Variants in MARCHF1 observed in about 807,000 individuals in gnomAD.
The protein encoded by MARCHF1 is membrane associated ring-CH-type finger 1, also known as E3 ubiquitin-protein ligase MARCHF1.
In MARCHF1, 40 loss-of-function variants were observed where a neutral mutation model predicts 54.2. The ratio of observed to expected loss-of-function variants is 0.74; its 90% CI spans 0.57 to 0.96. The LOEUF (loss-of-function observed/expected upper bound fraction) is 0.96, where lower values mean the gene tolerates loss of function less well. Among genes scored for constraint, MARCHF1 ranks in the 40% least tolerant of loss-of-function variants. The probability of loss-of-function intolerance (pLI) is 0.00; values close to 1 mark genes in which losing one functional copy is unlikely to be tolerated. For missense variants in MARCHF1, 586 were observed against 656.5 expected, an observed-to-expected ratio of 0.89 and a Z score of 1.17; for synonymous variants, 236 against 236.3, an observed-to-expected ratio of 1.00 and a Z score of 0.01.
At chr4:164,108,073 T>C (rs753332147) in intron 2 of MARCHF1, among the ~76,000 whole-genome samples, 14 of 152,148 alleles carry the variant, frequency 9.2e-5, no homozygotes, top group African/African-American at 3.1e-4. Flanking sequence ...TATATCAATT[T>C]ATCAGAAAGT....
At chr4:164,057,372 C>A (rs1024482258) in intron 2 of MARCHF1, among the ~76,000 whole-genome samples, 1 of 152,158 alleles carries the variant, frequency 6.6e-6, no homozygotes, top group Admixed American at 6.5e-5. Flanking sequence ...ATTTCTTCCT[C>A]TTATTCTTGG....
intron 3 of MARCHF1, among the ~76,000 whole-genome samples, chr4:163,978,921 A>G (rs1752702830): frequency 6.6e-6 from 1 of 151,548 alleles, no homozygotes; most frequent in African/African-American, 2.4e-5. Flanking sequence ...TAGACAGGGT[A>G]TCATTATGTT....
chr4:163,838,185 C>G (rs1295133892), intron 4 of MARCHF1, among the ~76,000 whole-genome samples: 1 of 152,078 alleles, frequency 6.6e-6, no homozygotes, highest in Non-Finnish European at 1.5e-5. Context: ...CCAGGAACTC[C>G]TGAAAATACC....
chr4:164,065,392 T>C (rs910328451), intron 2 of MARCHF1, among the ~76,000 whole-genome samples: 1 of 152,204 alleles, frequency 6.6e-6, no homozygotes, highest in Non-Finnish European at 1.5e-5. Flanking sequence ...AAAGATTTCA[T>C]GGCAAAGGCA....
intron 2 of MARCHF1, among the ~76,000 whole-genome samples, chr4:164,068,776 G>A (rs565871008): frequency 1.4e-4 from 22 of 152,332 alleles, no homozygotes; most frequent in Non-Finnish European, 2.5e-4. Context: ...TTCCACCTGC[G>A]GCCCTGGTGA....
chr4:163,649,029 C>G (rs1742867753), intron 5 of MARCHF1, among the ~76,000 whole-genome samples: 1 of 151,842 alleles, frequency 6.6e-6, no homozygotes, highest in South Asian at 2.1e-4. Context: ...AAGCAAACTA[C>G]TATTTAATTT....
chr4:164,331,846 A>G (rs997911481), intron 1 of MARCHF1, among the ~76,000 whole-genome samples: 7 of 152,180 alleles, frequency 4.6e-5, no homozygotes, highest in African/African-American at 1.7e-4. Context: ...AATTTCAAAT[A>G]TATACAATAA....
chr4:164,269,782 G>A (rs2111303964), intron 1 of MARCHF1, among the ~76,000 whole-genome samples: 1 of 152,116 alleles, frequency 6.6e-6, no homozygotes, highest in South Asian at 2.1e-4. Flanking sequence ...ACTGGGGAGG[G>A]GGGTTTATCG....
chr4:163,695,471 A>C (rs1486969351), intron 5 of MARCHF1, among the ~76,000 whole-genome samples: 2 of 152,160 alleles, frequency 1.3e-5, no homozygotes, highest in Non-Finnish European at 2.9e-5. Flanking sequence ...ACATTTTATA[A>C]ACTTTACCTT....
chr4:164,094,739 T>C (rs954151144), intron 2 of MARCHF1, among the ~76,000 whole-genome samples: 6 of 152,162 alleles, frequency 3.9e-5, no homozygotes, highest in Admixed American at 3.9e-4. Flanking sequence ...TAGGTGTTGT[T>C]TGCCACTGGA....
At chr4:163,966,692 A>G (rs1413716715) in intron 3 of MARCHF1, among the ~76,000 whole-genome samples, 1 of 152,104 alleles carries the variant, frequency 6.6e-6, no homozygotes, top group Admixed American at 6.6e-5. Context: ...TCATATTCTT[A>G]TTAGCATCAC....
At chr4:164,229,479 A>C (rs1465088969) in intron 1 of MARCHF1, among the ~76,000 whole-genome samples, 1 of 152,162 alleles carries the variant, frequency 6.6e-6, no homozygotes, top group Non-Finnish European at 1.5e-5. Context: ...TTCTTGAAAA[A>C]GGAACTCCCA....
chr4:164,201,047 G>C (rs556855722), intron 1 of MARCHF1, among the ~76,000 whole-genome samples: 2 of 152,306 alleles, frequency 1.3e-5, no homozygotes, highest in Non-Finnish European at 1.5e-5. Context: ...GAGTGAGCTA[G>C]GGAAAAGCAT....
chr4:164,197,257 G>A, intron 1 of MARCHF1: 1 of 1,611,024 alleles, frequency 6.2e-7, no homozygotes, highest in Non-Finnish European at 8.5e-7. Flanking sequence ...ATCTGAGTAA[G>A]GGGCCTCCTT....
At chr4:163,871,792 A>C (rs1750175304) in intron 3 of MARCHF1, among the ~76,000 whole-genome samples, 1 of 152,174 alleles carries the variant, frequency 6.6e-6, no homozygotes, top group Non-Finnish European at 1.5e-5. Flanking sequence ...TGAAGATTAA[A>C]ATACACCTTC....
At chr4:163,886,555 G>A (rs1028513349) in intron 3 of MARCHF1, among the ~76,000 whole-genome samples, 1 of 152,052 alleles carries the variant, frequency 6.6e-6, no homozygotes, top group African/African-American at 2.4e-5. Context: ...AAGTGCAATA[G>A]AATAAGCAGA....
At chr4:164,200,210 A>G (rs1201127333) in intron 1 of MARCHF1, among the ~76,000 whole-genome samples, 1 of 152,206 alleles carries the variant, frequency 6.6e-6, no homozygotes, top group East Asian at 1.9e-4. Flanking sequence ...AGACTTGTTC[A>G]TCTTACAATT....
At chr4:163,638,688 A>G (rs1012384955) in intron 5 of MARCHF1, among the ~76,000 whole-genome samples, 5 of 152,194 alleles carry the variant, frequency 3.3e-5, no homozygotes, top group African/African-American at 1.2e-4. Context: ...GATCAAAAGC[A>G]GGATCTCTAA....
At chr4:163,869,524 C>T (rs1171740559) in intron 3 of MARCHF1, among the ~76,000 whole-genome samples, 1 of 151,960 alleles carries the variant, frequency 6.6e-6, no homozygotes, top group Admixed American at 6.6e-5. Flanking sequence ...TTTTTTGACC[C>T]CAGAATTCAC....
Sources: allele counts gnomAD v4.1 joint callset (sites outside exome capture counted in the v4.1 genomes callset), GRCh38; gene constraint gnomAD v4.1.1; transcripts MANE v1.5; gene names NCBI Gene and HGNC (gene_info 2026-07-23, HGNC 2026-07-21).